Variants in CHD9 observed in about 807,000 individuals in gnomAD.
The protein encoded by CHD9 is ATP-dependent chromatin remodeler CHD9.
In CHD9, 77 loss-of-function variants were observed where a neutral mutation model predicts 316.1. The observed-to-expected ratio is 0.24, with a 90% CI of 0.20 to 0.29. CHD9 has a LOEUF of 0.29. Among genes scored for constraint, CHD9 ranks in the 10% least tolerant of loss-of-function variants. The probability of loss-of-function intolerance (pLI) is 1.00; values close to 1 mark genes in which losing one functional copy is unlikely to be tolerated. For missense variants in CHD9, 2,763 were observed against 3,438.1 expected, an observed-to-expected ratio of 0.80 and a Z score of 4.91; for synonymous variants, 1,129 against 1,158.3, an observed-to-expected ratio of 0.97 and a Z score of 0.51.
At chr16:53,088,363 C>T (rs553988179) in intron 1 of CHD9, among the ~76,000 whole-genome samples, 11 of 150,868 alleles carry the variant, frequency 7.3e-5, no homozygotes, top group Admixed American at 2.6e-4. Context: ...CTGCCAGCTC[C>T]GCCTCCCAGG....
chr16:53,097,524 CA>C lies in CHD9; in HGVS notation c.-165+42450del, dbSNP rs2036488192. On this transcript the variant is annotated intron_variant, in intron 1 of 38. Transcript: ENST00000447540. Reference sequence around the variant, plus strand: ...AAGCAATCAGCCCCCATCAGCCTCCCAAAGCACTGGGATTACAGGCATGAGC... The same window carrying C: ...AAGCAATCAGCCCCCATCAGCCTCCCAAGCACTGGGATTACAGGCATGAGC... Among the ~76,000 whole-genome samples the C allele has an allele frequency of 2.0e-5, 3 of 152,120 alleles. No homozygotes were observed. The South Asian group carries it at 6.2e-4, about 32-fold the overall frequency.
chr16:53,113,153 C>T (rs2152623258), intron 1 of CHD9, among the ~76,000 whole-genome samples: 1 of 152,188 alleles, frequency 6.6e-6, no homozygotes, highest in South Asian at 2.1e-4. Context: ...CACTGCAATC[C>T]AGCTTAGGTG....
intron 1 of CHD9, among the ~76,000 whole-genome samples, chr16:53,142,382 G>A (rs539993357): frequency 3.3e-5 from 5 of 152,164 alleles, no homozygotes; most frequent in African/African-American, 7.2e-5. Context: ...GATTACAGGC[G>A]TGAGCCACTG....
At chr16:53,060,252 C>T (rs2032701448) in intron 1 of CHD9, among the ~76,000 whole-genome samples, 1 of 151,954 alleles carries the variant, frequency 6.6e-6, no homozygotes, top group Admixed American at 6.6e-5. Flanking sequence ...AGGCAGTAGG[C>T]TGGATGTGGC....
intron 30 of CHD9, among the ~76,000 whole-genome samples, chr16:53,301,520 G>A (rs994482950): frequency 3.3e-4 from 50 of 152,248 alleles, no homozygotes; most frequent in African/African-American, 1.2e-3. Context: ...TAATACTTCT[G>A]TTTCTTAAGT....
intron 2 of CHD9, among the ~76,000 whole-genome samples, chr16:53,190,802 A>T (rs1045905617): frequency 6.6e-6 from 1 of 152,132 alleles, no homozygotes; most frequent in African/African-American, 2.4e-5. Context: ...AATTATAGAA[A>T]TTAGTATAAT....
intron 34 of CHD9, among the ~76,000 whole-genome samples, chr16:53,310,089 C>G (rs759210141): frequency 6.6e-6 from 1 of 152,190 alleles, no homozygotes; most frequent in Non-Finnish European, 1.5e-5. Flanking sequence ...GCTATTACCA[C>G]TTCTTAAATT....
In CHD9 at chr16:53,220,567, T is replaced by C. The variant is rs542626537; in HGVS notation, c.1785-2077T>C. 2.6e-5 allele frequency among the ~76,000 whole-genome samples: 4 copies of C among 152,352 alleles called. No individual in the cohort carries two copies. The South Asian group carries it at 8.3e-4, about 32-fold the overall frequency. Reference sequence around the variant, plus strand: ...CCTTGTCATCACATTGCCCCCTTGCTTACAATTCTTATATCTTCCAACTGC... The same window carrying C: ...CCTTGTCATCACATTGCCCCCTTGCCTACAATTCTTATATCTTCCAACTGC... On this transcript the variant is annotated intron_variant, in intron 3 of 38. Transcript: ENST00000447540.
At chr16:53,163,461 C>T (rs978713113) in intron 2 of CHD9, among the ~76,000 whole-genome samples, 4 of 152,148 alleles carry the variant, frequency 2.6e-5, no homozygotes, top group Non-Finnish European at 5.9e-5. Context: ...CTGCCTGCCT[C>T]GGCCTCCCAA....
rs556092870 is a variant in CHD9, at chr16:53,127,382, G to A, written c.-164-28544G>A. 2.0e-4 allele frequency among the ~76,000 whole-genome samples: 31 copies of A among 152,260 alleles called. 1 individual carries two copies. In the South Asian group the frequency reaches 6.4e-3, roughly 32 times the overall value. Reference sequence around the variant, plus strand: ...ATTTACATTGTCAGATATTCTTTTGGTGACCTAAACCAAAATGCTTATATA... The same window carrying A: ...ATTTACATTGTCAGATATTCTTTTGATGACCTAAACCAAAATGCTTATATA... On this transcript the variant is annotated intron_variant, in intron 1 of 38. Coordinates refer to ENST00000447540, the MANE Select transcript of CHD9 (RefSeq NM_001308319.2).
At chr16:53,125,983 T>C (rs576327206) in intron 1 of CHD9, among the ~76,000 whole-genome samples, 17 of 152,280 alleles carry the variant, frequency 1.1e-4, no homozygotes, top group Non-Finnish European at 2.1e-4. Context: ...CTTTTGACAC[T>C]GAAAAGGTTT....
At chr16:53,173,603 G>A (rs1313767695) in intron 2 of CHD9, among the ~76,000 whole-genome samples, 1 of 151,674 alleles carries the variant, frequency 6.6e-6, no homozygotes, top group African/African-American at 2.4e-5. Flanking sequence ...GGAGTGCAGT[G>A]GCGCGATCTC....
Position 53,156,941 on chromosome 16 carries a change from C to T in CHD9, c.852C>T (p.Asn284=). 6.2e-7 allele frequency: 1 copy of T among 1,613,436 alleles called. No individual in the cohort carries two copies. Among genetic ancestry groups the T allele is most frequent in the African/African-American group, 1.3e-5 (1 of 75,040 alleles). Residue 284 remains asparagine, a synonymous_variant, in exon 2 of 39, where the codon AAC becomes AAT. Transcript: ENST00000447540. ...TTTCCAGTAATCATATATCACCAAA[C>T]AGTCTACTTCAGTCCTCTGCAGTTC... ...YSFSSNHISP[N]SLLQSSAVLA... is the part of the protein sequence containing the mutation.
Position 53,124,709 on chromosome 16 carries a change from A to T in CHD9, c.-164-31217A>T, listed in dbSNP as rs181267287. Among the ~76,000 whole-genome samples the T allele has an allele frequency of 1.6e-4, 25 of 151,950 alleles. No individual in the cohort carries two copies. The East Asian group carries it at 3.9e-3, about 24-fold the overall frequency. ...TGGCTAGGTTGGTCTTGAATTCCTG[A>T]TCTCTGGTGATCTGCCCTCTTCGGC... On this transcript the variant is annotated intron_variant, in intron 1 of 38. Transcript: ENST00000447540.
chr16:53,154,683 A>G (rs906388421), intron 1 of CHD9, among the ~76,000 whole-genome samples: 39 of 152,264 alleles, frequency 2.6e-4, no homozygotes, highest in African/African-American at 9.4e-4. Flanking sequence ...TCGGGCTGCT[A>G]TGAGAATCTA....
At chr16:53,128,213 C>T (rs1251025931) in intron 1 of CHD9, among the ~76,000 whole-genome samples, 4 of 151,860 alleles carry the variant, frequency 2.6e-5, no homozygotes, top group Admixed American at 1.3e-4. Flanking sequence ...GACGGAGTCT[C>T]GTTCTGTCAT....
rs116347255 is a variant in CHD9, at chr16:53,141,944, A to G, written c.-164-13982A>G. ...AGAAAGTTTGTTGAATTCAGGCAAC[A>G]TTTCAATGTAGTGGAAACATAGATT... On this transcript the variant is annotated intron_variant, in intron 1 of 38. Transcript: ENST00000447540. Among the ~76,000 whole-genome samples the G allele has an allele frequency of 2.3e-3, 349 of 152,312 alleles. 2 individuals are homozygous for G. The highest frequency in any genetic ancestry group is 8.1e-3 in the African/African-American group (335 of 41,566).
At chr16:53,062,363 G>A (rs939491805) in intron 1 of CHD9, among the ~76,000 whole-genome samples, 9 of 152,184 alleles carry the variant, frequency 5.9e-5, no homozygotes, top group South Asian at 2.1e-4. Context: ...GTAATATAAC[G>A]TTTCCCTTAA....
At chr16:53,064,775 A>C (rs1291104983) in intron 1 of CHD9, among the ~76,000 whole-genome samples, 1 of 152,122 alleles carries the variant, frequency 6.6e-6, no homozygotes. Context: ...GGAGTTCGAG[A>C]CCAGCCTGGC....
Sources: gnomAD v4.1 joint callset for allele counts (sites outside exome capture counted in the v4.1 genomes callset) on GRCh38, gnomAD v4.1.1 for gene constraint, MANE v1.5 for transcripts, NCBI Gene and HGNC (gene_info 2026-07-23, HGNC 2026-07-21) for gene names.